Variants in FAM13A observed in about 807,000 individuals in gnomAD.
FAM13A encodes protein FAM13A.
FAM13A carries 76 observed loss-of-function variants against 129.6 expected under a neutral mutation model. That is an observed-to-expected ratio of 0.59 (90% confidence interval 0.49 to 0.71). The LOEUF (loss-of-function observed/expected upper bound fraction) is 0.71. Ranked by LOEUF, FAM13A falls within the 30% of genes least tolerant of loss-of-function variation. FAM13A has a pLI of 0.00. For missense variants in FAM13A, 1,108 were observed against 1,249.3 expected, an observed-to-expected ratio of 0.89 and a Z score of 1.70; for synonymous variants, 443 against 449.9, an observed-to-expected ratio of 0.98 and a Z score of 0.20.
Position 88,732,131 on chromosome 4 carries a change from T to C in FAM13A, c.2714A>G (p.Asp905Gly). 6.2e-7 allele frequency: 1 copy of C among 1,613,866 alleles called. No individual in the cohort carries two copies. Among genetic ancestry groups the C allele is most frequent in the Non-Finnish European group, 8.5e-7 (1 of 1,179,864 alleles). ...GTCCAGAAAGCATCGTGCACTGAAA[T>C]CGGTTTTCAGAGTGACCATGAAGTC... ...KPDFMVTLKT[D>G]FSARCFLDQF... The change falls in exon 22 of 24, where the codon GAT becomes GGT. Residue 905 changes from aspartate to glycine, a missense_variant. Asp to Gly is a moderately conservative substitution (Grantham distance 94). Coordinates refer to ENST00000264344, the MANE Select transcript of FAM13A (RefSeq NM_014883.4).
chr4:88,895,393 G>A (rs1579164345), intron 6 of FAM13A, among the ~76,000 whole-genome samples: 1 of 151,766 alleles, frequency 6.6e-6, no homozygotes, highest in South Asian at 2.1e-4. Context: ...CAAAAGCAAT[G>A]GCAACAAAAG....
intron 13 of FAM13A, among the ~76,000 whole-genome samples, chr4:88,765,877 T>C (rs1417128478): frequency 6.6e-6 from 1 of 152,204 alleles, no homozygotes; most frequent in Non-Finnish European, 1.5e-5. Flanking sequence ...GCAGTGGCAC[T>C]GGGCACGATT....
At chr4:88,986,929 C>T (rs762834322) in intron 4 of FAM13A, among the ~76,000 whole-genome samples, 3 of 152,192 alleles carry the variant, frequency 2.0e-5, no homozygotes, top group Non-Finnish European at 2.9e-5. Context: ...CTCTAGAAGT[C>T]ATTAAGACCT....
intron 19 of FAM13A, among the ~76,000 whole-genome samples, chr4:88,742,020 A>G (rs1188545921): frequency 6.6e-6 from 1 of 152,246 alleles, no homozygotes; most frequent in African/African-American, 2.4e-5. Flanking sequence ...ATTAAAGTGC[A>G]TCCTAATGTC....
intron 7 of FAM13A, among the ~76,000 whole-genome samples, chr4:88,845,197 G>A (rs1009290500): frequency 1.3e-5 from 2 of 151,954 alleles, no homozygotes; most frequent in Non-Finnish European, 2.9e-5. Context: ...AAAAAACACT[G>A]ACAAGGCTTG....
chr4:89,037,790 T>C (rs975903585), intron 1 of FAM13A, among the ~76,000 whole-genome samples: 1 of 152,086 alleles, frequency 6.6e-6, no homozygotes, highest in African/African-American at 2.4e-5. Context: ...ATCTGGTTGT[T>C]TAAAAGTGTG....
At chr4:88,991,227 T>C in intron 3 of FAM13A, 77 bp from the exon 4 acceptor site, 1 of 1,064,846 alleles carries the variant, frequency 9.4e-7, no homozygotes, top group South Asian at 1.7e-5. Flanking sequence ...GTGTAATACA[T>C]TCTAACATTT....
intron 2 of FAM13A, among the ~76,000 whole-genome samples, chr4:89,023,874 C>A (rs557628670): frequency 3.5e-4 from 53 of 152,244 alleles, no homozygotes; most frequent in Non-Finnish European, 5.3e-4. Context: ...ACCATATAAC[C>A]TTTAAATTTT....
intron 4 of FAM13A, among the ~76,000 whole-genome samples, chr4:88,944,846 T>C (rs1165858554): frequency 1.3e-5 from 2 of 150,732 alleles, no homozygotes; most frequent in African/African-American, 2.4e-5. Context: ...GAGGTTGCAG[T>C]GAGCCGAGAT....
At chr4:88,952,983 T>G (rs371711441) in intron 4 of FAM13A, among the ~76,000 whole-genome samples, 2 of 152,130 alleles carry the variant, frequency 1.3e-5, no homozygotes, top group African/African-American at 4.8e-5. Context: ...CAAACTTGAC[T>G]AATTTGAATT....
chr4:88,756,747 G>T (rs900486707), intron 14 of FAM13A, among the ~76,000 whole-genome samples: 2 of 151,754 alleles, frequency 1.3e-5, no homozygotes, highest in Non-Finnish European at 2.9e-5. Flanking sequence ...TATTGCTCTC[G>T]TTTTATGCAA....
At chr4:88,835,170 T>C (rs1284755675) in intron 7 of FAM13A, among the ~76,000 whole-genome samples, 2 of 152,190 alleles carry the variant, frequency 1.3e-5, no homozygotes, top group African/African-American at 4.8e-5. Flanking sequence ...GGGGCCCAGC[T>C]GAATGAACCA....
At chr4:89,006,728 T>C (rs1765083222) in intron 3 of FAM13A, among the ~76,000 whole-genome samples, 1 of 152,126 alleles carries the variant, frequency 6.6e-6, no homozygotes, top group Non-Finnish European at 1.5e-5. Flanking sequence ...GTCACATGGA[T>C]TTGAAGGATG....
intron 7 of FAM13A, among the ~76,000 whole-genome samples, chr4:88,821,634 G>A (rs544119065): frequency 3.3e-5 from 5 of 152,204 alleles, no homozygotes; most frequent in Non-Finnish European, 7.4e-5. Context: ...CTTAAGAACT[G>A]ATGTCATTAT....
chr4:88,840,539 T>C (rs1262118480), intron 7 of FAM13A, among the ~76,000 whole-genome samples: 1 of 152,092 alleles, frequency 6.6e-6, no homozygotes, highest in Non-Finnish European at 1.5e-5. Flanking sequence ...AGAGTACACA[T>C]ACAAGAATAC....
At chr4:88,906,031 T>C (rs1024870664) in intron 6 of FAM13A, among the ~76,000 whole-genome samples, 1 of 152,204 alleles carries the variant, frequency 6.6e-6, no homozygotes, top group African/African-American at 2.4e-5. Context: ...CTCACGCCTG[T>C]AATCCCAGCA....
intron 4 of FAM13A, among the ~76,000 whole-genome samples, chr4:88,988,153 AT>A (rs1006360174): frequency 6.6e-6 from 1 of 151,968 alleles, no homozygotes; most frequent in Admixed American, 6.6e-5. Flanking sequence ...ATTAAATTAA[AT>A]TTTTTTCAAA....
chr4:88,788,802 T>A (rs1724518580), intron 9 of FAM13A, among the ~76,000 whole-genome samples: 1 of 152,184 alleles, frequency 6.6e-6, no homozygotes. Context: ...ATGTTCTAAA[T>A]GCTCAGGCTG....
intron 7 of FAM13A, among the ~76,000 whole-genome samples, chr4:88,818,148 TA>T (rs1731150769): frequency 9.2e-6 from 1 of 108,988 alleles, no homozygotes; most frequent in African/African-American, 3.5e-5. Flanking sequence ...CACGCCCAGA[TA>T]ATTTTTTTTT....
Sources: gnomAD v4.1 joint callset for allele counts (sites outside exome capture counted in the v4.1 genomes callset) on GRCh38, gnomAD v4.1.1 for gene constraint, MANE v1.5 for transcripts, NCBI Gene and HGNC (gene_info 2026-07-23, HGNC 2026-07-21) for gene names.